Variants in ZNF670 observed in about 807,000 individuals in gnomAD.
ZNF670 encodes zinc finger protein 670.
ZNF670 carries 7 observed loss-of-function variants against 10.9 expected under a neutral mutation model. The observed-to-expected ratio is 0.64, with a 90% confidence interval of 0.36 to 1.20. The LOEUF (loss-of-function observed/expected upper bound fraction) is 1.20. ZNF670 is among the 50% of genes most tolerant of loss of function. ZNF670 has a pLI of 0.02. For synonymous variants in ZNF670, 136 were observed against 152.7 expected (o/e 0.89, Z 0.81); for missense variants, 446 against 458.6 (o/e 0.97, Z 0.25).
At chr1:247,045,461 C>G (rs1372191752) in intron 1 of ZNF670, among the ~76,000 whole-genome samples, 2 of 152,078 alleles carry the variant, frequency 1.3e-5, no homozygotes, top group Non-Finnish European at 2.9e-5. Context: ...GAGGCTGGAC[C>G]TTCCTCCTCC....
rs1670895849 is a variant in ZNF670 at position 247,063,121 on chromosome 1, T to C, written c.3+15473A>G. On this transcript the variant is annotated intron_variant, in intron 1 of 3. Transcript: ENST00000366503. ...GGTTATTCTCTGCTTTTCTTTTATG[T>C]AAAGTGTTCAGAAACAAATCAAATG... Among the ~76,000 whole-genome samples, 5 of 152,338 alleles carry C rather than the reference T, an allele frequency of 3.3e-5. No individual in the cohort carries two copies. In the South Asian group the frequency reaches 1.0e-3, roughly 32 times the overall value.
intron 1 of ZNF670, among the ~76,000 whole-genome samples, chr1:247,041,287 G>A (rs1051369472): frequency 6.6e-6 from 1 of 151,938 alleles, no homozygotes; most frequent in African/African-American, 2.4e-5. Flanking sequence ...TAATATTCAG[G>A]AAATTAAAAG....
intron 1 of ZNF670, among the ~76,000 whole-genome samples, chr1:247,059,089 G>GA (rs909510162): frequency 4.4e-4 from 66 of 150,754 alleles, no homozygotes; most frequent in African/African-American, 1.1e-3. Context: ...GAAAACAACA[G>GA]AAAAAAAAAT....
Position 247,072,829 on chromosome 1 carries a change from T to TGC in ZNF670, c.3+5764_3+5765insGC, listed in dbSNP as rs1671165440. ...GTATATATATATATATATATATATA[T>TGC]ATATATATATGCATACACACACATA... On this transcript the variant is annotated intron_variant, in intron 1 of 3. Transcript: ENST00000366503. Among the ~76,000 whole-genome samples, 3 of 94,080 alleles carry TGC rather than the reference T, an allele frequency of 3.2e-5. 1 individual carries two copies. The highest frequency in any genetic ancestry group is 1.9e-4 in the African/African-American group (3 of 15,658). The allele number at this position is 94,080 out of a possible 152,430, so 61.7% of individuals were successfully genotyped here.
In ZNF670 at chr1:247,072,839, T is replaced by TACACAC. The variant is rs1491560605; in HGVS notation, c.3+5754_3+5755insGTGTGT. Among the ~76,000 whole-genome samples the TACACAC allele has an allele frequency of 2.8e-3, 192 of 68,538 alleles. 8 individuals carry two copies. The highest frequency in any genetic ancestry group is 0.019 in the African/African-American group (179 of 9,292). 45.0% of individuals were successfully genotyped at this position (68,538 alleles called of 152,430 possible). A position where few individuals can be genotyped will look rare whatever the true frequency, so the allele number is the denominator to read the frequency against. The stretch of plus-strand genomic sequence containing the variant: ...ATATATATATATATATATATATATA[T>TACACAC]GCATACACACACATACACACACACA... On this transcript the variant is annotated intron_variant, in intron 1 of 3. Transcript: ENST00000366503.
At chr1:247,053,497 A>G (rs994440555) in intron 1 of ZNF670, among the ~76,000 whole-genome samples, 1 of 152,128 alleles carries the variant, frequency 6.6e-6, no homozygotes, top group Non-Finnish European at 1.5e-5. Context: ...TTAGCCGGGC[A>G]TGGTGGCAGG....
intron 1 of ZNF670, among the ~76,000 whole-genome samples, chr1:247,064,964 A>G (rs1319162074): frequency 6.6e-6 from 1 of 152,030 alleles, no homozygotes; most frequent in African/African-American, 2.4e-5. Context: ...GCGCACCACC[A>G]TGCCCGGCTA....
intron 1 of ZNF670, among the ~76,000 whole-genome samples, chr1:247,060,908 C>G (rs1670842633): frequency 6.6e-6 from 1 of 152,120 alleles, no homozygotes; most frequent in Non-Finnish European, 1.5e-5. Context: ...AAGGTTTCTT[C>G]CAAGTATTCA....
chr1:247,044,911 T>G (rs78383248), intron 1 of ZNF670, among the ~76,000 whole-genome samples: 4,508 of 151,688 alleles, frequency 0.03, 253 homozygotes, highest in African/African-American at 0.1. Context: ...AAACATGAAA[T>G]TTACTCATGT....
chr1:247,062,679 T>C (rs1670884695), intron 1 of ZNF670, among the ~76,000 whole-genome samples: 1 of 152,160 alleles, frequency 6.6e-6, no homozygotes, highest in Non-Finnish European at 1.5e-5. Context: ...GTGTCCAAAG[T>C]GCTTATTTTG....
intron 1 of ZNF670, among the ~76,000 whole-genome samples, chr1:247,047,601 A>G (rs4971316): frequency 0.32 from 49,305 of 151,780 alleles, 8,759 homozygotes; most frequent in African/African-American, 0.45. Context: ...TCCCTTCCAC[A>G]CTGCCTTAGC....
chr1:247,039,951 G>A (rs1320554156), intron 1 of ZNF670, among the ~76,000 whole-genome samples: 1 of 152,160 alleles, frequency 6.6e-6, no homozygotes, highest in Non-Finnish European at 1.5e-5. Context: ...TGACCTTTTG[G>A]TGTGAGAAAA....
intron 1 of ZNF670, among the ~76,000 whole-genome samples, chr1:247,048,672 T>C (rs909342206): frequency 3.3e-5 from 5 of 152,130 alleles, no homozygotes; most frequent in African/African-American, 9.7e-5. Context: ...AGAGGTTTAA[T>C]TGACTGACAG....
chr1:247,039,630 C>T, intron 1 of ZNF670, 93 bp from the exon 2 acceptor site: 1 of 1,319,624 alleles, frequency 7.6e-7, no homozygotes, highest in South Asian at 2.1e-5. Context: ...CATAATTCTG[C>T]AGACTTCAAA....
At position 247,036,118 on chromosome 1, in the gene ZNF670, T is replaced by C. The variant is rs1295520742; in HGVS notation, c.*1331A>G. 1.3e-5 allele frequency among the ~76,000 whole-genome samples: 2 copies of C among 152,094 alleles called. No individual in the cohort carries two copies. The highest frequency in any genetic ancestry group is 2.4e-5 in the African/African-American group (1 of 41,408). On this transcript the variant is annotated 3_prime_UTR_variant, in exon 4 of 4. Coordinates refer to ENST00000366503, the MANE Select transcript of ZNF670 (RefSeq NM_033213.5). ...TATATCTGAAAGCCAGTTAACGTAA[T>C]AGACTATCAGTAGAATGCCAAAAAC... is the stretch of plus-strand genomic sequence containing the variant.
At chr1:247,073,096 G>A (rs4925613) in intron 1 of ZNF670, among the ~76,000 whole-genome samples, 35,697 of 151,636 alleles carry the variant, frequency 0.24, 4,724 homozygotes, top group Middle Eastern at 0.36. Flanking sequence ...TCACCTGGAC[G>A]GTGAGCCCAT....
intron 1 of ZNF670, among the ~76,000 whole-genome samples, chr1:247,056,115 CA>C (rs35807997): frequency 0.38 from 53,549 of 140,638 alleles, 9,839 homozygotes; most frequent in Middle Eastern, 0.49. Flanking sequence ...TCTTACAGAC[CA>C]AAAAAAAAAA....
intron 1 of ZNF670, among the ~76,000 whole-genome samples, chr1:247,053,631 G>A (rs146339947): frequency 0.014 from 2,099 of 152,172 alleles, 18 homozygotes; most frequent in Middle Eastern, 0.024. Flanking sequence ...GCGAGACTCC[G>A]TCTCAAAAAA....
At chr1:247,045,477 C>G (rs1430257795) in intron 1 of ZNF670, among the ~76,000 whole-genome samples, 2 of 152,144 alleles carry the variant, frequency 1.3e-5, no homozygotes, top group Non-Finnish European at 2.9e-5. Flanking sequence ...CCTCCTCTCT[C>G]TGACTCCCTC....
Sources: gnomAD v4.1 joint callset for allele counts (sites outside exome capture counted in the v4.1 genomes callset) on GRCh38, gnomAD v4.1.1 for gene constraint, MANE v1.5 for transcripts, NCBI Gene and HGNC (gene_info 2026-07-23, HGNC 2026-07-21) for gene names.